IFNAR1: variants seen among roughly 807,000 people sequenced by gnomAD.
The protein encoded by IFNAR1 is interferon alpha/beta receptor 1.
IFNAR1 carries 47 observed loss-of-function variants against 62.1 expected under a neutral mutation model. The ratio of observed to expected loss-of-function variants is 0.76; its 90% CI spans 0.60 to 0.97. IFNAR1 has a LOEUF of 0.97. Among genes scored for constraint, IFNAR1 ranks in the 50% least tolerant of loss-of-function variants. The pLI is 0.00. For synonymous variants in IFNAR1, 219 were observed against 226.9 expected (o/e 0.97, Z 0.31); for missense variants, 638 against 654.5 (o/e 0.97, Z 0.27).
intron 8 of IFNAR1, among the ~76,000 whole-genome samples, chr21:33,350,882 G>GC (rs1568932727): frequency 6.6e-6 from 1 of 152,160 alleles, no homozygotes; most frequent in Non-Finnish European, 1.5e-5. Flanking sequence ...CCTTACGTAC[G>GC]CAGGGTGCTT....
At chr21:33,329,382 A>G (rs758804094) in intron 1 of IFNAR1, among the ~76,000 whole-genome samples, 1 of 152,178 alleles carries the variant, frequency 6.6e-6, no homozygotes, top group Non-Finnish European at 1.5e-5. Context: ...GATGTGATGT[A>G]TTCTATTCAG....
chr21:33,357,530 G>GTTTTTTTT lies in IFNAR1; in HGVS notation c.*1989_*1996dup, dbSNP rs36125058. On this transcript the variant is annotated 3_prime_UTR_variant, in exon 11 of 11. Coordinates refer to ENST00000270139, the MANE Select transcript of IFNAR1 (RefSeq NM_000629.3). ...ATTTTCATCTTTCTGACCAGAGGCT[G>GTTTTTTTT]TTTTTTTTTTTTTTTGAGACAGTCT... The GTTTTTTTT allele has an allele frequency of 2.1e-5, 3 of 139,670 alleles. No individual in the cohort carries two copies. The highest frequency in any genetic ancestry group is 8.1e-5 in the African/African-American group (3 of 37,238). 8.7% of individuals were successfully genotyped at this position (139,670 alleles called of 1,614,324 possible).
chr21:33,338,489 G>A (rs1310578169), intron 2 of IFNAR1, among the ~76,000 whole-genome samples: 4 of 135,094 alleles, frequency 3.0e-5, no homozygotes, highest in African/African-American at 5.6e-5. Context: ...AGCTGAAATC[G>A]TGCCCCTGCA....
chr21:33,329,619 G>GC (rs1247188936), intron 1 of IFNAR1, among the ~76,000 whole-genome samples: 1 of 152,150 alleles, frequency 6.6e-6, no homozygotes, highest in African/African-American at 2.4e-5. Flanking sequence ...TAACATGATT[G>GC]CCCCAAGGCA....
In IFNAR1 at chr21:33,358,696, A is replaced by G. The variant is rs1288072312; in HGVS notation, c.*3147A>G. On this transcript the variant is annotated 3_prime_UTR_variant, in exon 11 of 11. Transcript: ENST00000270139. ...GAAATTTGCAACTTATAAAAAAGTT[A>G]CTTTTAAAAATATAAGTTAGGGCTA... 1 of 152,108 alleles carries G rather than the reference A, an allele frequency of 6.6e-6. No homozygotes were observed. The highest frequency in any genetic ancestry group is 2.4e-5 in the African/African-American group (1 of 41,454). The allele number at this position is 152,108 out of a possible 1,614,324, so 9.4% of individuals were successfully genotyped here. A position where few individuals can be genotyped will look rare whatever the true frequency, so the allele number is the denominator to read the frequency against.
rs377765796 is a variant in IFNAR1, at chr21:33,343,654, A to G, written c.651A>G (p.Pro217=). Residue 217 remains proline (P), a synonymous_variant, in exon 5 of 11, where the codon CCA becomes CCG. Transcript: ENST00000270139. ...CATGGAAAATTGGTGTCTATAGTCC[A>G]GTACATTGTATAAAGACCACAGGTA... ...LTSWKIGVYS[P]VHCIKTTVEN... 19 of 1,601,736 alleles carry G rather than the reference A, an allele frequency of 1.2e-5. No homozygotes were observed. In the African/African-American group the frequency reaches 1.9e-4, roughly 16 times the overall value.
chr21:33,324,952 G>A, upstream of IFNAR1: 1 of 969,140 alleles, frequency 1.0e-6, no homozygotes, highest in Non-Finnish European at 1.6e-6. Flanking sequence ...AAGAGGGGCA[G>A]CGCGTGTGCA....
intron 1 of IFNAR1, chr21:33,334,890 T>TA (rs779143047): frequency 4.3e-6 from 6 of 1,405,250 alleles, no homozygotes; most frequent in Middle Eastern, 1.8e-4. Flanking sequence ...GCTGCTGAGA[T>TA]ACACTATACT....
intron 2 of IFNAR1, among the ~76,000 whole-genome samples, chr21:33,339,174 G>T (rs1440888448): frequency 6.6e-6 from 1 of 152,158 alleles, no homozygotes; most frequent in East Asian, 1.9e-4. Flanking sequence ...GTGAGGTTGG[G>T]TTGAAATTAT....
chr21:33,359,435 C>T lies in IFNAR1; in HGVS notation c.*3886C>T, dbSNP rs1436905679. Reference sequence around the variant, plus strand: ...GTTCCAGAGCCCAGGGTTGAGCATCCTGAAGGAGCCACTGCAGCCGTCACT... The same window carrying T: ...GTTCCAGAGCCCAGGGTTGAGCATCTTGAAGGAGCCACTGCAGCCGTCACT... On this transcript the variant is annotated 3_prime_UTR_variant, in exon 11 of 11. Transcript: ENST00000270139. 6.6e-6 allele frequency: 1 copy of T among 152,138 alleles called. No homozygotes were observed. Among genetic ancestry groups the T allele is most frequent in the Non-Finnish European group, 1.5e-5 (1 of 68,044 alleles). The allele number at this position is 152,138 out of a possible 1,614,324, so 9.4% of individuals were successfully genotyped here.
rs928672012 is a variant in IFNAR1 at position 33,359,527 on chromosome 21, G to T, written c.*3978G>T. 1 of 152,162 alleles carries T rather than the reference G, an allele frequency of 6.6e-6. No individual in the cohort carries two copies. The highest frequency in any genetic ancestry group is 1.5e-5 in the Non-Finnish European group (1 of 68,038). The allele number at this position is 152,162 out of a possible 1,614,324, so 9.4% of individuals were successfully genotyped here. A position where few individuals can be genotyped will look rare whatever the true frequency, so the allele number is the denominator to read the frequency against. On this transcript the variant is annotated 3_prime_UTR_variant, in exon 11 of 11. Coordinates refer to ENST00000270139, the MANE Select transcript of IFNAR1 (RefSeq NM_000629.3). Reference sequence around the variant, plus strand: ...TCTTCCCGCTCTTAAGACATGGCTGGAGCTCAGTCTTCATTGAATGAAGTT... The same window carrying T: ...TCTTCCCGCTCTTAAGACATGGCTGTAGCTCAGTCTTCATTGAATGAAGTT...
intron 8 of IFNAR1, among the ~76,000 whole-genome samples, chr21:33,351,552 A>ATT (rs752798894): frequency 2.9e-5 from 4 of 138,626 alleles, no homozygotes; most frequent in Non-Finnish European, 4.8e-5. Context: ...ATTTTATTTT[A>ATT]TTTTTTTTTT....
chr21:33,329,831 A>T (rs1460260971), intron 1 of IFNAR1, among the ~76,000 whole-genome samples: 1 of 152,212 alleles, frequency 6.6e-6, no homozygotes, highest in Non-Finnish European at 1.5e-5. Context: ...CTTGCAATCT[A>T]GTTGGAGATT....
chr21:33,358,813 G>C lies in IFNAR1; in HGVS notation c.*3264G>C, dbSNP rs1042366705. ...CCAGGAGTTCAAGATCAACCAACCTGGGTAACATGGCCAGACCCCATCTCT... is the reference window on the plus strand; with the variant it reads ...CCAGGAGTTCAAGATCAACCAACCTCGGTAACATGGCCAGACCCCATCTCT... On this transcript the variant is annotated 3_prime_UTR_variant, in exon 11 of 11. Transcript: ENST00000270139. 1.3e-5 allele frequency: 2 copies of C among 151,748 alleles called. No individual in the cohort carries two copies. The highest frequency in any genetic ancestry group is 2.9e-5 in the Non-Finnish European group (2 of 68,000). 9.4% of individuals were successfully genotyped at this position (151,748 alleles called of 1,614,324 possible).
chr21:33,327,385 G>A (rs1568924505), intron 1 of IFNAR1, among the ~76,000 whole-genome samples: 1 of 152,122 alleles, frequency 6.6e-6, no homozygotes, highest in Admixed American at 6.5e-5. Flanking sequence ...GTGTTTTAAA[G>A]GTATAAACTC....
chr21:33,351,622 C>A (rs1225938402), intron 8 of IFNAR1, among the ~76,000 whole-genome samples: 1 of 150,106 alleles, frequency 6.7e-6, no homozygotes, highest in African/African-American at 2.5e-5. Flanking sequence ...GATGTCAGCT[C>A]ACTGCAGCCT....
intron 6 of IFNAR1, among the ~76,000 whole-genome samples, chr21:33,348,223 G>A (rs2083367384): frequency 1.3e-5 from 2 of 152,102 alleles, no homozygotes; most frequent in African/African-American, 2.4e-5. Context: ...TGGTATGCTG[G>A]CGCATGTTTA....
intron 2 of IFNAR1, among the ~76,000 whole-genome samples, chr21:33,337,070 A>G (rs940502690): frequency 6.6e-6 from 1 of 151,504 alleles, no homozygotes; most frequent in African/African-American, 2.4e-5. Flanking sequence ...TTGTAAATAT[A>G]TTGTTAACTG....
At chr21:33,329,953 C>T (rs2083160122) in intron 1 of IFNAR1, among the ~76,000 whole-genome samples, 1 of 152,204 alleles carries the variant, frequency 6.6e-6, no homozygotes, top group South Asian at 2.1e-4. Flanking sequence ...AAGAATTGTA[C>T]TGGCAGAATC....
Sources: gnomAD v4.1 joint callset for allele counts (sites outside exome capture counted in the v4.1 genomes callset) on GRCh38, gnomAD v4.1.1 for gene constraint, MANE v1.5 for transcripts, NCBI Gene and HGNC (gene_info 2026-07-23, HGNC 2026-07-21) for gene names.